The following PLCB1 variants were observed in gnomAD, a reference collection of about 807,000 sequenced individuals.
PLCB1 encodes the protein phospholipase C beta 1.
Under a neutral mutation model 161.8 loss-of-function variants are expected in PLCB1, and 46 were observed. That is an observed-to-expected ratio of 0.28 (90% confidence interval 0.22 to 0.36). PLCB1 has a LOEUF of 0.36. PLCB1 is among the 10% of genes least tolerant of loss of function. The pLI, the probability that PLCB1 is intolerant of heterozygous loss-of-function variation, is 1.00. For missense variants in PLCB1, 1,016 were observed against 1,472.5 expected, an observed-to-expected ratio of 0.69 and a Z score of 5.07; for synonymous variants, 517 against 503.7, an observed-to-expected ratio of 1.03 and a Z score of -0.35.
chr20:8,604,652 A>T (rs1296017245), intron 3 of PLCB1, among the ~76,000 whole-genome samples: 1 of 152,208 alleles, frequency 6.6e-6, no homozygotes, highest in Non-Finnish European at 1.5e-5. Flanking sequence ...TAGGGTGAAG[A>T]CTATAAAAGA....
chr20:8,833,254 G>A lies in PLCB1; in HGVS notation c.3423+42993G>A, dbSNP rs569471938. ...GCTGGGGAGGTCTCACAATCATGGC[G>A]GAAGGCAAAGGAAGAGCAAAGGCAT... On this transcript the variant is annotated intron_variant, in intron 31 of 31. Transcript: ENST00000338037. Among the ~76,000 whole-genome samples, 73 of 152,286 alleles carry A rather than the reference G, an allele frequency of 4.8e-4. No homozygotes were observed. In the South Asian group the frequency reaches 6.4e-3, roughly 13 times the overall value.
chr20:8,518,686 A>AGGTTGGGAGGGCTGAT (rs1984234345), intron 3 of PLCB1, among the ~76,000 whole-genome samples: 1 of 152,170 alleles, frequency 6.6e-6, no homozygotes, highest in Non-Finnish European at 1.5e-5. Flanking sequence ...CCAGGGCAGC[A>AGGTTGGGAGGGCTGAT]GGTTGGGAGG....
At chr20:8,644,945 A>G (rs1989117349) in intron 4 of PLCB1, among the ~76,000 whole-genome samples, 2 of 152,124 alleles carry the variant, frequency 1.3e-5, no homozygotes, top group African/African-American at 2.4e-5. Context: ...GTGTAGAAAG[A>G]GGTAGACATG....
intron 2 of PLCB1, among the ~76,000 whole-genome samples, chr20:8,286,176 T>G (rs1010268122): frequency 6.6e-6 from 1 of 152,090 alleles, no homozygotes; most frequent in Non-Finnish European, 1.5e-5. Flanking sequence ...ATACAAAGAT[T>G]TGCCGGGCGT....
intron 14 of PLCB1, 120 bp downstream of exon 14, chr20:8,717,968 A>T: frequency 1.2e-6 from 1 of 840,926 alleles, no homozygotes; most frequent in African/African-American, 1.7e-5. Flanking sequence ...AGGCAGGTGG[A>T]TTATGAGGTC....
chr20:8,470,896 G>C (rs973487671), intron 3 of PLCB1, among the ~76,000 whole-genome samples: 3 of 150,234 alleles, frequency 2.0e-5, no homozygotes, highest in Non-Finnish European at 3.0e-5. Context: ...GTCTTGTTTT[G>C]TTCCTTAACC....
At chr20:8,193,653 GCTGTTT>G (rs1268784435) in intron 2 of PLCB1, among the ~76,000 whole-genome samples, 2 of 151,914 alleles carry the variant, frequency 1.3e-5, no homozygotes, top group Non-Finnish European at 2.9e-5. Flanking sequence ...TAATTTCTGA[GCTGTTT>G]CTGTACTAGT....
intron 2 of PLCB1, among the ~76,000 whole-genome samples, chr20:8,308,108 C>G (rs1378915746): frequency 1.3e-5 from 2 of 151,966 alleles, no homozygotes; most frequent in Admixed American, 1.3e-4. Context: ...ATGCAGAAGA[C>G]CTTCTCCTGG....
At chr20:8,331,922 G>A (rs982091171) in intron 2 of PLCB1, among the ~76,000 whole-genome samples, 5 of 152,168 alleles carry the variant, frequency 3.3e-5, no homozygotes, top group African/African-American at 7.2e-5. Context: ...CAATTGGATC[G>A]AGAATTAGCA....
intron 3 of PLCB1, among the ~76,000 whole-genome samples, chr20:8,609,634 A>G (rs984353815): frequency 6.6e-6 from 1 of 152,174 alleles, no homozygotes; most frequent in African/African-American, 2.4e-5. Flanking sequence ...ACTGAATTCC[A>G]TGATTTACAC....
intron 2 of PLCB1, among the ~76,000 whole-genome samples, chr20:8,246,460 A>G (rs1446875617): frequency 2.0e-4 from 30 of 151,958 alleles, no homozygotes; most frequent in Admixed American, 1.9e-3. Context: ...GAAACATGCA[A>G]GAATTCTTGA....
chr20:8,165,361 GA>G (rs1231709071), intron 2 of PLCB1, among the ~76,000 whole-genome samples: 3 of 152,180 alleles, frequency 2.0e-5, no homozygotes, highest in African/African-American at 7.2e-5. Context: ...ACTATCACAT[GA>G]ATTCATGAAT....
intron 3 of PLCB1, among the ~76,000 whole-genome samples, chr20:8,502,913 C>G (rs1398316180): frequency 6.6e-6 from 1 of 152,032 alleles, no homozygotes. Flanking sequence ...ATACATAAGC[C>G]CAGTACAGAT....
At position 8,543,840 on chromosome 20, in the gene PLCB1, C is replaced by T. The variant is rs1049244780; in HGVS notation, c.247-84454C>T. On this transcript the variant is annotated intron_variant, in intron 3 of 31. Transcript: ENST00000338037. Reference sequence around the variant, plus strand: ...TAATAAGGGGGCTCATTCTCATTCTCGCTCCTGCTGCACTGTGAAGAGGGA... The same window carrying T: ...TAATAAGGGGGCTCATTCTCATTCTTGCTCCTGCTGCACTGTGAAGAGGGA... Among the ~76,000 whole-genome samples, 39 of 152,196 alleles carry T rather than the reference C, an allele frequency of 2.6e-4. 1 individual carries two copies. Among genetic ancestry groups the T allele is most frequent in the African/African-American group, 8.4e-4 (35 of 41,542 alleles).
At chr20:8,173,990 C>T (rs955815483) in intron 2 of PLCB1, among the ~76,000 whole-genome samples, 5 of 152,000 alleles carry the variant, frequency 3.3e-5, no homozygotes, top group African/African-American at 9.7e-5. Context: ...AACTGAGCTC[C>T]GGGGACCTGT....
At chr20:8,482,146 C>CA (rs1054661749) in intron 3 of PLCB1, among the ~76,000 whole-genome samples, 1 of 133,028 alleles carries the variant, frequency 7.5e-6, no homozygotes, top group Non-Finnish European at 1.5e-5. Context: ...GCTCTGTCGC[C>CA]AGGCTGGAGT....
At chr20:8,619,077 T>C (rs943065714) in intron 3 of PLCB1, among the ~76,000 whole-genome samples, 9 of 152,218 alleles carry the variant, frequency 5.9e-5, no homozygotes, top group Non-Finnish European at 1.2e-4. Flanking sequence ...CTCCTTCAGT[T>C]ACCTGTAGTG....
chr20:8,462,485 A>G (rs966158986), intron 3 of PLCB1, among the ~76,000 whole-genome samples: 1 of 152,190 alleles, frequency 6.6e-6, no homozygotes, highest in African/African-American at 2.4e-5. Flanking sequence ...TATAGCTTGT[A>G]AGGCAGCTGT....
chr20:8,385,647 G>A (rs1472672380), intron 3 of PLCB1, among the ~76,000 whole-genome samples: 1 of 152,210 alleles, frequency 6.6e-6, no homozygotes, highest in East Asian at 1.9e-4. Context: ...CCAGTGGCGT[G>A]GGTTCACGAG....
Sources: allele counts gnomAD v4.1 joint callset (sites outside exome capture counted in the v4.1 genomes callset), GRCh38; gene constraint gnomAD v4.1.1; transcripts MANE v1.5; gene names NCBI Gene and HGNC (gene_info 2026-07-23, HGNC 2026-07-21).